Variants in HS6ST3 observed in about 807,000 individuals in gnomAD.
HS6ST3 encodes heparan sulfate 6-O-sulfotransferase 3.
In HS6ST3, 12 loss-of-function variants were observed where a neutral mutation model predicts 36.7. The ratio of observed to expected loss-of-function variants is 0.33; its 90% confidence interval spans 0.21 to 0.53. The LOEUF is 0.53. HS6ST3 is among the 20% of genes least tolerant of loss of function. HS6ST3 has a pLI of 0.95. For missense variants in HS6ST3, 584 were observed against 640.9 expected, an observed-to-expected ratio of 0.91 and a Z score of 0.96; for synonymous variants, 240 against 257.5, an observed-to-expected ratio of 0.93 and a Z score of 0.65.
At chr13:96,733,334 C>T (rs940631956) in intron 1 of HS6ST3, among the ~76,000 whole-genome samples, 1 of 152,088 alleles carries the variant, frequency 6.6e-6, no homozygotes, top group Middle Eastern at 3.2e-3. Context: ...AGAGTTTATA[C>T]CATAAAAGAA....
intron 1 of HS6ST3, among the ~76,000 whole-genome samples, chr13:96,462,160 C>G (rs1477839608): frequency 6.6e-6 from 1 of 152,120 alleles, no homozygotes; most frequent in Non-Finnish European, 1.5e-5. Flanking sequence ...GCCTCAACCT[C>G]CTGGGCTCAA....
intron 1 of HS6ST3, among the ~76,000 whole-genome samples, chr13:96,748,396 A>C (rs1293280908): frequency 6.6e-6 from 1 of 152,056 alleles, no homozygotes. Context: ...AAAACCTTCT[A>C]AAACAGTTGA....
chr13:96,659,117 A>G (rs2056637418), intron 1 of HS6ST3, among the ~76,000 whole-genome samples: 1 of 152,244 alleles, frequency 6.6e-6, no homozygotes, highest in Non-Finnish European at 1.5e-5. Flanking sequence ...AAGTTGATGC[A>G]GCAGTTTATT....
intron 1 of HS6ST3, among the ~76,000 whole-genome samples, chr13:96,184,154 T>C (rs1293994464): frequency 1.6e-5 from 2 of 127,744 alleles, no homozygotes; most frequent in African/African-American, 6.2e-5. Context: ...TGAGCCAAGA[T>C]CGCACCACTG....
At chr13:96,176,549 A>G (rs977743589) in intron 1 of HS6ST3, among the ~76,000 whole-genome samples, 7 of 152,194 alleles carry the variant, frequency 4.6e-5, no homozygotes, top group Admixed American at 3.3e-4. Context: ...GCCAAAAAAA[A>G]AAAAATTGAA....
chr13:96,260,298 CT>C (rs1224760749), intron 1 of HS6ST3, among the ~76,000 whole-genome samples: 2 of 138,588 alleles, frequency 1.4e-5, no homozygotes, highest in African/African-American at 5.2e-5. Flanking sequence ...TCCCTCCCTA[CT>C]TTTTTCTTTT....
At chr13:96,737,132 C>G (rs570222974) in intron 1 of HS6ST3, among the ~76,000 whole-genome samples, 14 of 152,082 alleles carry the variant, frequency 9.2e-5, no homozygotes, top group East Asian at 7.7e-4. Flanking sequence ...AAATTATTAG[C>G]TAGTTTAAAC....
rs1251462119 is a variant in HS6ST3 at position 96,837,928 on chromosome 13, C to T, written c.*4730C>T. 2.6e-5 allele frequency: 4 copies of T among 151,686 alleles called. No individual in the cohort carries two copies. Among genetic ancestry groups the T allele is most frequent in the Non-Finnish European group, 5.9e-5 (4 of 67,948 alleles). 9.4% of individuals were successfully genotyped at this position (151,686 alleles called of 1,614,324 possible). ...TACTTTGTCAGCAACATACTGCTTT[C>T]ATTCTTAAAGGTTTCATTGGCTGTT... On this transcript the variant is annotated 3_prime_UTR_variant, in exon 2 of 2. Transcript: ENST00000376705.
At chr13:96,458,015 A>G (rs1566366668) in intron 1 of HS6ST3, among the ~76,000 whole-genome samples, 1 of 152,016 alleles carries the variant, frequency 6.6e-6, no homozygotes, top group Non-Finnish European at 1.5e-5. Flanking sequence ...GTAGTATTGC[A>G]TGTAGTTTTA....
At chr13:96,418,540 T>C (rs1232881859) in intron 1 of HS6ST3, among the ~76,000 whole-genome samples, 1 of 152,162 alleles carries the variant, frequency 6.6e-6, no homozygotes, top group Non-Finnish European at 1.5e-5. Flanking sequence ...ATAAGCCCTG[T>C]CTCCTTAAGT....
At chr13:96,780,969 T>C (rs934660492) in intron 1 of HS6ST3, among the ~76,000 whole-genome samples, 4 of 151,626 alleles carry the variant, frequency 2.6e-5, no homozygotes, top group African/African-American at 9.7e-5. Flanking sequence ...GCAACTAGAT[T>C]ATATACTTTA....
intron 1 of HS6ST3, among the ~76,000 whole-genome samples, chr13:96,405,744 C>A (rs982109193): frequency 1.3e-5 from 2 of 152,144 alleles, no homozygotes; most frequent in African/African-American, 4.8e-5. Context: ...TGCAAAAGGC[C>A]TGCCAGTGCA....
At chr13:96,185,514 C>CTG (rs1305194847) in intron 1 of HS6ST3, among the ~76,000 whole-genome samples, 1 of 152,206 alleles carries the variant, frequency 6.6e-6, no homozygotes, top group Non-Finnish European at 1.5e-5. Flanking sequence ...TGCCTCCTCA[C>CTG]TGTGCCACAG....
At chr13:96,154,706 G>C (rs1214884633) in intron 1 of HS6ST3, among the ~76,000 whole-genome samples, 1 of 151,926 alleles carries the variant, frequency 6.6e-6, no homozygotes, top group Non-Finnish European at 1.5e-5. Flanking sequence ...CTGTAATAAG[G>C]GAAGTAAAAA....
intron 1 of HS6ST3, among the ~76,000 whole-genome samples, chr13:96,600,329 TACACACACACAC>T (rs34142366): frequency 6.8e-6 from 1 of 146,072 alleles, no homozygotes; most frequent in South Asian, 2.2e-4. Flanking sequence ...TGGAGTTAGG[TACACACACACAC>T]ACACACACAC....
At chr13:96,756,104 G>T (rs1876823928) in intron 1 of HS6ST3, among the ~76,000 whole-genome samples, 1 of 152,078 alleles carries the variant, frequency 6.6e-6, no homozygotes, top group South Asian at 2.1e-4. Flanking sequence ...ATTCTTATTA[G>T]CCATGTGTAT....
chr13:96,409,325 G>A (rs2055495861), intron 1 of HS6ST3, among the ~76,000 whole-genome samples: 2 of 152,206 alleles, frequency 1.3e-5, no homozygotes, highest in Admixed American at 6.5e-5. Flanking sequence ...ATATTTGGTT[G>A]AATAAAAATA....
At chr13:96,481,501 G>A (rs1301822230) in intron 1 of HS6ST3, among the ~76,000 whole-genome samples, 1 of 152,144 alleles carries the variant, frequency 6.6e-6, no homozygotes, top group Non-Finnish European at 1.5e-5. Flanking sequence ...GCCAGTTGAG[G>A]ATTTGTTCTT....
chr13:96,210,729 G>T (rs185812690), intron 1 of HS6ST3, among the ~76,000 whole-genome samples: 1 of 151,910 alleles, frequency 6.6e-6, no homozygotes, highest in African/African-American at 2.4e-5. Context: ...GAGTAGGTGG[G>T]ATTACAGACA....
Sources: gnomAD v4.1 joint callset for allele counts (sites outside exome capture counted in the v4.1 genomes callset) on GRCh38, gnomAD v4.1.1 for gene constraint, MANE v1.5 for transcripts, NCBI Gene and HGNC (gene_info 2026-07-23, HGNC 2026-07-21) for gene names.